NUDT4: variants seen among roughly 807,000 people sequenced by gnomAD.
NUDT4 encodes the protein diphosphoinositol polyphosphate phosphohydrolase 2.
Under a neutral mutation model 23.1 loss-of-function variants are expected in NUDT4, and 5 were observed. The observed-to-expected ratio is 0.22, with a 90% CI of 0.11 to 0.46. The LOEUF (loss-of-function observed/expected upper bound fraction) is 0.46. NUDT4 is among the 20% of genes least tolerant of loss of function. The pLI is 0.99. For synonymous variants in NUDT4, 50 were observed against 79.0 expected, an observed-to-expected ratio of 0.63 and a Z score of 1.95; for missense variants, 96 against 211.6, an observed-to-expected ratio of 0.45 and a Z score of 3.39.
intron 1 of NUDT4, among the ~76,000 whole-genome samples, chr12:93,381,226 T>G (rs747162626): frequency 6.6e-6 from 1 of 152,240 alleles, no homozygotes; most frequent in Non-Finnish European, 1.5e-5. Context: ...TCACAGAAGC[T>G]GGCAGATCCT....
intron 3 of NUDT4, among the ~76,000 whole-genome samples, chr12:93,397,644 G>T (rs1877028258): frequency 6.6e-6 from 1 of 151,986 alleles, no homozygotes; most frequent in African/African-American, 2.4e-5. Flanking sequence ...CTTCACTTCA[G>T]CCTCCCAAGT....
intron 1 of NUDT4, among the ~76,000 whole-genome samples, chr12:93,387,665 CTT>C (rs1377859825): frequency 6.6e-6 from 1 of 152,132 alleles, no homozygotes; most frequent in African/African-American, 2.4e-5. Flanking sequence ...GTGATACCAA[CTT>C]TTTTTCATCT....
At chr12:93,392,320 A>G (rs1876599137) in intron 1 of NUDT4, among the ~76,000 whole-genome samples, 1 of 124,596 alleles carries the variant, frequency 8.0e-6, no homozygotes, top group Non-Finnish European at 1.6e-5. Context: ...TAGTGGCATG[A>G]TCTCGGCTCA....
chr12:93,380,124 C>T (rs1165863012), intron 1 of NUDT4, among the ~76,000 whole-genome samples: 2 of 152,174 alleles, frequency 1.3e-5, no homozygotes, highest in African/African-American at 4.8e-5. Flanking sequence ...CCAGTCCTTA[C>T]TCCTGATGTT....
intron 1 of NUDT4, among the ~76,000 whole-genome samples, chr12:93,386,685 A>G (rs1039465692): frequency 6.6e-6 from 1 of 152,182 alleles, no homozygotes; most frequent in Non-Finnish European, 1.5e-5. Flanking sequence ...AAAAACACGG[A>G]CTGCTCAGAA....
rs1877788016 is a variant in NUDT4 at position 93,405,939 on chromosome 12, T to C, written c.*6560T>C. 6.6e-6 allele frequency: 1 copy of C among 152,110 alleles called. No homozygotes were observed. Among genetic ancestry groups the C allele is most frequent in the Non-Finnish European group, 1.5e-5 (1 of 68,014 alleles). 9.4% of individuals were successfully genotyped at this position (152,110 alleles called of 1,614,324 possible). A position where few individuals can be genotyped will look rare whatever the true frequency, so the allele number is the denominator to read the frequency against. On this transcript the variant is annotated 3_prime_UTR_variant, in exon 5 of 5. Coordinates refer to ENST00000415493, the MANE Select transcript of NUDT4 (RefSeq NM_019094.6). ...TATTTTCTTTTTTGGCCAGCTTTTC[T>C]AGATAAGGTTGTATTGCTACTGCAA...
At chr12:93,395,837 C>T (rs1311656199) in intron 3 of NUDT4, among the ~76,000 whole-genome samples, 1 of 152,190 alleles carries the variant, frequency 6.6e-6, no homozygotes, top group Non-Finnish European at 1.5e-5. Flanking sequence ...TCTCCTGCCT[C>T]GTCCTCCCAA....
chr12:93,381,358 A>G (rs1193565877), intron 1 of NUDT4, among the ~76,000 whole-genome samples: 1 of 152,240 alleles, frequency 6.6e-6, no homozygotes, highest in Non-Finnish European at 1.5e-5. Flanking sequence ...GCCCACAGCT[A>G]ATTGCCCTGT....
chr12:93,396,148 A>T (rs1037270318), intron 3 of NUDT4, among the ~76,000 whole-genome samples: 1 of 152,212 alleles, frequency 6.6e-6, no homozygotes, highest in African/African-American at 2.4e-5. Flanking sequence ...AGGAGGTACA[A>T]TATTTTTAGT....
rs901490907 is a variant in NUDT4, at chr12:93,403,817, G to T, written c.*4438G>T. On this transcript the variant is annotated 3_prime_UTR_variant, in exon 5 of 5. Transcript: ENST00000415493. ...GCTGGTGCTACTTTAATACCTTCCT[G>T]ACTGGTGCCACTGGCTAAATTCTAG... 1 of 152,200 alleles carries T rather than the reference G, an allele frequency of 6.6e-6. No homozygotes were observed. Among genetic ancestry groups the T allele is most frequent in the Non-Finnish European group, 1.5e-5 (1 of 68,054 alleles). The allele number at this position is 152,200 out of a possible 1,614,324, so 9.4% of individuals were successfully genotyped here.
At chr12:93,396,014 C>T (rs71458506) in intron 3 of NUDT4, among the ~76,000 whole-genome samples, 18,249 of 152,202 alleles carry the variant, frequency 0.12, 1,494 homozygotes, top group East Asian at 0.43. Flanking sequence ...CCACTGTGCC[C>T]GGCTGCCATC....
chr12:93,381,030 C>T (rs2038011982), intron 1 of NUDT4: 1 of 152,182 alleles, frequency 6.6e-6, no homozygotes. Context: ...CTGAAGTTCT[C>T]AGTAAGTTTC....
At position 93,404,571 on chromosome 12, in the gene NUDT4, G is replaced by A. The variant is rs1470368614; in HGVS notation, c.*5192G>A. The A allele has an allele frequency of 3.3e-5, 5 of 152,200 alleles. No homozygotes were observed. Among genetic ancestry groups the A allele is most frequent in the East Asian group, 1.9e-4 (1 of 5,196 alleles). 9.4% of individuals were successfully genotyped at this position (152,200 alleles called of 1,614,324 possible). On this transcript the variant is annotated 3_prime_UTR_variant, in exon 5 of 5. Coordinates refer to ENST00000415493, the MANE Select transcript of NUDT4 (RefSeq NM_019094.6). ...ACTGGTACCAATTTAATATTCAAAT[G>A]TGATTAAGTCATGGCAATCTATTTA...
chr12:93,378,531 C>T, intron 1 of NUDT4, 110 bp downstream of exon 1: 1 of 1,290,076 alleles, frequency 7.8e-7, no homozygotes, highest in African/African-American at 1.6e-5. Flanking sequence ...GAGGGATTAG[C>T]CCCCTTCCTC....
intron 1 of NUDT4, among the ~76,000 whole-genome samples, chr12:93,393,090 C>CTTT (rs143810374): frequency 1.7e-5 from 2 of 114,876 alleles, no homozygotes; most frequent in African/African-American, 6.8e-5. Flanking sequence ...AGATTTCAGT[C>CTTT]TTTTTTTTTT....
rs1877521466 is a variant in NUDT4, at chr12:93,402,423, A to C, written c.*3044A>C. The C allele has an allele frequency of 6.6e-6, 1 of 152,280 alleles. No individual in the cohort carries two copies. Among genetic ancestry groups the C allele is most frequent in the South Asian group, 2.1e-4 (1 of 4,830 alleles). 9.4% of individuals were successfully genotyped at this position (152,280 alleles called of 1,614,324 possible). Reference sequence around the variant, plus strand: ...ACGTATACCTTTCAGTGCATAGTGCATTGTGTGCTTACCCTGGGTTGTTTA... The same window carrying C: ...ACGTATACCTTTCAGTGCATAGTGCCTTGTGTGCTTACCCTGGGTTGTTTA... On this transcript the variant is annotated 3_prime_UTR_variant, in exon 5 of 5. Coordinates refer to ENST00000415493, the MANE Select transcript of NUDT4 (RefSeq NM_019094.6).
At chr12:93,387,757 CA>C (rs1281589808) in intron 1 of NUDT4, among the ~76,000 whole-genome samples, 1 of 152,166 alleles carries the variant, frequency 6.6e-6, no homozygotes, top group Non-Finnish European at 1.5e-5. Flanking sequence ...GCCTAGCTAT[CA>C]CACTAGTTGG....
chr12:93,398,019 A>G (rs1877059026), intron 3 of NUDT4, among the ~76,000 whole-genome samples: 1 of 152,174 alleles, frequency 6.6e-6, no homozygotes. Flanking sequence ...ATAAGATTGC[A>G]TTCAACTCTT....
rs1022582986 is a variant in NUDT4 at position 93,402,914 on chromosome 12, T to C, written c.*3535T>C. ...GACCAACTGTAGAATCCTTAAGTCC[T>C]GTTCAAGTGTCACTTCATTTTTTAT... On this transcript the variant is annotated 3_prime_UTR_variant, in exon 5 of 5. Transcript: ENST00000415493. 3.3e-5 allele frequency: 5 copies of C among 152,320 alleles called. No individual in the cohort carries two copies. The highest frequency in any genetic ancestry group is 7.4e-5 in the Non-Finnish European group (5 of 68,026). The allele number at this position is 152,320 out of a possible 1,614,324, so 9.4% of individuals were successfully genotyped here. A position where few individuals can be genotyped will look rare whatever the true frequency, so the allele number is the denominator to read the frequency against.
Sources: allele counts gnomAD v4.1 joint callset (sites outside exome capture counted in the v4.1 genomes callset), GRCh38; gene constraint gnomAD v4.1.1; transcripts MANE v1.5; gene names NCBI Gene and HGNC (gene_info 2026-07-23, HGNC 2026-07-21).